The following DAZL variants were observed in gnomAD, a reference collection of about 807,000 sequenced individuals.
DAZL encodes deleted in azoospermia like, also known as deleted in azoospermia-like.
Under a neutral mutation model 45.0 loss-of-function variants are expected in DAZL, and 4 were observed. The ratio of observed to expected loss-of-function variants is 0.09; its 90% CI spans 0.04 to 0.20. The LOEUF (loss-of-function observed/expected upper bound fraction) is 0.20. DAZL is among the 10% of genes least tolerant of loss of function. The probability of loss-of-function intolerance (pLI) is 1.00; values close to 1 mark genes in which losing one functional copy is unlikely to be tolerated. For synonymous variants in DAZL, 122 were observed against 112.4 expected, an observed-to-expected ratio of 1.09 and a Z score of -0.54; for missense variants, 326 against 351.3, an observed-to-expected ratio of 0.93 and a Z score of 0.58.
intron 1 of DAZL, chr3:16,604,879 C>T: frequency 1.4e-6 from 1 of 724,588 alleles, no homozygotes; most frequent in Non-Finnish European, 2.2e-6. Flanking sequence ...GCACCCCAAA[C>T]CTCTGCCAGT....
At chr3:16,597,086 T>C in intron 4 of DAZL, 35 bp from the exon 5 acceptor site, 1 of 1,588,118 alleles carries the variant, frequency 6.3e-7, no homozygotes, top group East Asian at 2.2e-5. Flanking sequence ...TAGAATCAAT[T>C]TTCAAGTCTT....
rs1439798317 is a variant in DAZL, at chr3:16,587,174, T to G, written c.*1486A>C. On this transcript the variant is annotated 3_prime_UTR_variant, in exon 11 of 11. Transcript: ENST00000399444. ...TAAAGCCCTCTTGGGAATTCTAAAG[T>G]TAAAAGACTCTCTCCTTCAGATTCA... 6.6e-6 allele frequency: 1 copy of G among 152,132 alleles called. No homozygotes were observed. Among genetic ancestry groups the G allele is most frequent in the African/African-American group, 2.4e-5 (1 of 41,436 alleles). The allele number at this position is 152,132 out of a possible 1,614,324, so 9.4% of individuals were successfully genotyped here.
intron 10 of DAZL, among the ~76,000 whole-genome samples, chr3:16,588,921 A>G (rs571377974): frequency 6.6e-6 from 1 of 152,274 alleles, no homozygotes; most frequent in South Asian, 2.1e-4. Context: ...AGTTTAGTTA[A>G]AAAAGAAATC....
intron 1 of DAZL, among the ~76,000 whole-genome samples, chr3:16,600,698 C>T (rs1694677469): frequency 6.6e-6 from 1 of 152,180 alleles, no homozygotes; most frequent in African/African-American, 2.4e-5. Flanking sequence ...TTCTCCTTTT[C>T]AATTCCCCCT....
At chr3:16,604,324 C>A in intron 1 of DAZL, 1 of 942,916 alleles carries the variant, frequency 1.1e-6, no homozygotes, top group East Asian at 2.7e-5. Context: ...AACGCACACC[C>A]AACGCTATCT....
rs1462118725 is a variant in DAZL, at chr3:16,605,398, G to C, written c.-193C>G. The C allele has an allele frequency of 8.6e-6, 6 of 697,582 alleles. No homozygotes were observed. The highest frequency in any genetic ancestry group is 5.3e-5 in the African/African-American group (3 of 56,532). 43.2% of individuals were successfully genotyped at this position (697,582 alleles called of 1,614,324 possible). On this transcript the variant is annotated 5_prime_UTR_variant, in exon 1 of 11. Transcript: ENST00000399444. The stretch of plus-strand genomic sequence containing the variant: ...GCTGAGGAGCCCCGAAAGGCGGACC[G>C]TCAGGCTGAGGAGCGCAGGCGGACT...
At chr3:16,603,972 A>G (rs2125049748) in intron 1 of DAZL, among the ~76,000 whole-genome samples, 1 of 152,332 alleles carries the variant, frequency 6.6e-6, no homozygotes, top group Middle Eastern at 3.4e-3. Context: ...ATACTTTTAT[A>G]ATCAGAAAAA....
chr3:16,598,431 A>T, intron 2 of DAZL, 21 bp downstream of exon 2: 1 of 1,604,770 alleles, frequency 6.2e-7, no homozygotes, highest in Non-Finnish European at 8.5e-7. Flanking sequence ...TCAAGGTAAA[A>T]ATGAGGTATG....
At chr3:16,592,182 G>A (rs774114020) in intron 9 of DAZL, 34 bp from the exon 10 acceptor site, 18 of 1,606,430 alleles carry the variant, frequency 1.1e-5, no homozygotes, top group East Asian at 2.2e-5. Flanking sequence ...ATGTAAAGAC[G>A]ACTCTTTCAC....
intron 8 of DAZL, among the ~76,000 whole-genome samples, chr3:16,594,109 CTT>C (rs1041522663): frequency 1.3e-5 from 2 of 152,182 alleles, no homozygotes; most frequent in Non-Finnish European, 2.9e-5. Context: ...ACGTAATACT[CTT>C]GTTTTATTCC....
At chr3:16,600,859 T>C (rs2125048217) in intron 1 of DAZL, among the ~76,000 whole-genome samples, 1 of 152,330 alleles carries the variant, frequency 6.6e-6, no homozygotes, top group South Asian at 2.1e-4. Flanking sequence ...GTCATGATAA[T>C]GCATTGATTC....
chr3:16,601,566 A>G (rs957982954), intron 1 of DAZL, among the ~76,000 whole-genome samples: 1 of 152,232 alleles, frequency 6.6e-6, no homozygotes, highest in East Asian at 1.9e-4. Context: ...TCCACAATCA[A>G]TAGACAAACT....
At chr3:16,590,798 G>A (rs942450321) in intron 10 of DAZL, among the ~76,000 whole-genome samples, 9 of 152,180 alleles carry the variant, frequency 5.9e-5, no homozygotes, top group African/African-American at 2.2e-4. Flanking sequence ...TACATGAAAT[G>A]TCCAGGACAG....
At chr3:16,597,625 G>A (rs1465840304) in intron 3 of DAZL, 84 bp from the exon 4 acceptor site, 2 of 849,408 alleles carry the variant, frequency 2.4e-6, no homozygotes, top group East Asian at 4.9e-5. Context: ...AAGTGATCAT[G>A]ACTAAAATAT....
At position 16,596,817 on chromosome 3, in the gene DAZL, G is replaced by C; in HGVS notation, c.431C>G (p.Thr144Ser). 1 of 1,613,596 alleles carries C rather than the reference G, an allele frequency of 6.2e-7. No homozygotes were observed. Residue 144 changes from threonine to serine, a missense_variant, in exon 6 of 11, where the codon ACT becomes AGT. By Grantham distance (58) the Thr-to-Ser change is moderately conservative. This residue lies in a region of DAZL where 227 missense variants were observed against 216.6 expected (regional missense o/e 1.05). Transcript: ENST00000399444. ...PPPPQFQNVW[T>S]NPNTETYMQP... ...CATATAAGTTTCAGTGTTTGGATTA[G>C]TCCAGACATTCTGAAACTGTGGTGG...
rs564734995 is a variant in DAZL, at chr3:16,605,265, C to T, written c.-60G>A. ...GGAGGAGCAGAGGCTGTGCTTGGCG[C>T]ACCACTTCTGGGGCTGCTGTGAGGT... On this transcript the variant is annotated 5_prime_UTR_variant, in exon 1 of 11. Coordinates refer to ENST00000399444, the MANE Select transcript of DAZL (RefSeq NM_001351.4). 101 of 1,610,678 alleles carry T rather than the reference C, an allele frequency of 6.3e-5. No homozygotes were observed. In the East Asian group the frequency reaches 1.0e-3, roughly 16 times the overall value.
intron 1 of DAZL, among the ~76,000 whole-genome samples, 198 bp downstream of exon 1, chr3:16,605,005 C>T (rs1355307720): frequency 2.0e-5 from 3 of 152,256 alleles, no homozygotes; most frequent in African/African-American, 7.2e-5. Context: ...GCGTCCCGCG[C>T]CTGCCTCTCT....
intron 6 of DAZL, among the ~76,000 whole-genome samples, chr3:16,596,521 T>C (rs764680292): frequency 6.6e-6 from 1 of 152,068 alleles, no homozygotes; most frequent in Non-Finnish European, 1.5e-5. Flanking sequence ...TCTTCATGTG[T>C]CTACAGAGGT....
In DAZL at chr3:16,596,695, A is replaced by G. The variant is rs982997473; in HGVS notation, c.498+55T>C. The G allele has an allele frequency of 5.7e-6, 9 of 1,587,816 alleles. No individual in the cohort carries two copies. The East Asian group carries it at 2.0e-4, about 35-fold the overall frequency. On this transcript the variant is annotated intron_variant, in intron 6 of 10. Transcript: ENST00000399444. ...CTACAGAAATTGGATGTAATTCCAC[A>G]GAAGGTACGATGACTACAATAAACA...
Sources: allele counts gnomAD v4.1 joint callset (sites outside exome capture counted in the v4.1 genomes callset), GRCh38; gene constraint gnomAD v4.1.1; regional missense constraint gnomAD v4.1.1; transcripts MANE v1.5; gene names NCBI Gene and HGNC (gene_info 2026-07-23, HGNC 2026-07-21).